Variants in ZNF280C observed in about 807,000 individuals in gnomAD.
ZNF280C encodes suppressor of hairy wing homolog 3.
Under a neutral mutation model 53.6 loss-of-function variants are expected in ZNF280C, and 14 were observed. The ratio of observed to expected loss-of-function variants is 0.26; its 90% CI spans 0.17 to 0.41. The LOEUF is 0.41. Ranked by LOEUF, ZNF280C falls within the 10% of genes least tolerant of loss-of-function variation. The probability of loss-of-function intolerance (pLI) is 1.00; values close to 1 mark genes in which losing one functional copy is unlikely to be tolerated. For synonymous variants in ZNF280C, 203 were observed against 181.1 expected, an observed-to-expected ratio of 1.12 and a Z score of -0.97; for missense variants, 416 against 547.1, an observed-to-expected ratio of 0.76 and a Z score of 2.39.
intron 15 of ZNF280C, 87 bp from the exon 16 acceptor site, chrX:130,209,802 T>A: frequency 1.4e-6 from 1 of 722,915 alleles, no homozygotes; most frequent in Non-Finnish European, 2.1e-6. Context: ...AGCCAATGCT[T>A]AATTTCTTAG....
rs190992976 is a variant in ZNF280C at position 130,233,350 on chromosome X, C to T, written c.772-2623G>A. Among the ~76,000 whole-genome samples, 14 of 111,834 alleles carry T rather than the reference C, an allele frequency of 1.3e-4. No homozygotes were observed. The East Asian group carries it at 3.6e-3, about 29-fold the overall frequency. On this transcript the variant is annotated intron_variant, in intron 8 of 18. Coordinates refer to ENST00000370978, the MANE Select transcript of ZNF280C (RefSeq NM_017666.5). The stretch of plus-strand genomic sequence containing the variant: ...AAAAAAATTTGGCCAGGTGCAGTGG[C>T]TCACGCCTGTAATCCCAGCACTTTG...
At chrX:130,255,297 C>A (rs778961804) in intron 2 of ZNF280C, among the ~76,000 whole-genome samples, 1 of 103,464 alleles carries the variant, frequency 9.7e-6, no homozygotes, top group South Asian at 4.5e-4. Flanking sequence ...CCCGCCACTA[C>A]GCCCGGCTAA....
intron 2 of ZNF280C, among the ~76,000 whole-genome samples, chrX:130,253,483 T>G (rs1165756981): frequency 8.9e-6 from 1 of 112,151 alleles, no homozygotes; most frequent in Admixed American, 9.5e-5. Flanking sequence ...AGAACAAAGA[T>G]GAAGGCATCA....
intron 11 of ZNF280C, among the ~76,000 whole-genome samples, chrX:130,227,229 CTCT>C (rs1303247939): frequency 1.8e-5 from 2 of 111,836 alleles, no homozygotes; most frequent in East Asian, 2.8e-4. Flanking sequence ...ACAGAGTATT[CTCT>C]TCTTTAGATT....
At chrX:130,223,531 T>C (rs774084778) in intron 12 of ZNF280C, among the ~76,000 whole-genome samples, 1 of 112,268 alleles carries the variant, frequency 8.9e-6, no homozygotes, top group East Asian at 2.8e-4. Context: ...TGTTTCCTCA[T>C]CTATAAAATG....
chrX:130,203,504 A>G lies in ZNF280C; in HGVS notation c.*1473T>C, dbSNP rs893732019. Reference sequence around the variant, plus strand: ...ACCCTGTCTCTACTAAAAATACAAAAAATTAAAAATTAGCCGGGCGTGGTG... The same window carrying G: ...ACCCTGTCTCTACTAAAAATACAAAGAATTAAAAATTAGCCGGGCGTGGTG... On this transcript the variant is annotated 3_prime_UTR_variant, in exon 19 of 19. Transcript: ENST00000370978. The G allele has an allele frequency of 2.7e-5, 3 of 109,789 alleles. No individual in the cohort carries two copies. Among genetic ancestry groups the G allele is most frequent in the Middle Eastern group, 4.7e-3 (1 of 215 alleles). 9.0% of individuals were successfully genotyped at this position (109,789 alleles called of 1,213,427 possible).
intron 11 of ZNF280C, 121 bp downstream of exon 11, chrX:130,227,561 T>C (rs935864822): frequency 5.4e-6 from 3 of 559,647 alleles, no homozygotes; most frequent in Non-Finnish European, 3.0e-6. Flanking sequence ...AAGAGGGTCT[T>C]CAATTTTAGC....
chrX:130,202,719 G>T lies in ZNF280C; in HGVS notation c.*2258C>A, dbSNP rs1392593502. ...TATAGTTATATGATAGCTTTTATAT[G>T]AAGTTATTTATTAGAAATTTCCAAG... On this transcript the variant is annotated 3_prime_UTR_variant, in exon 19 of 19. Coordinates refer to ENST00000370978, the MANE Select transcript of ZNF280C (RefSeq NM_017666.5). 1.8e-5 allele frequency: 2 copies of T among 110,805 alleles called. No homozygotes were observed. Among genetic ancestry groups the T allele is most frequent in the African/African-American group, 6.6e-5 (2 of 30,473 alleles). The allele number at this position is 110,805 out of a possible 1,213,427, so 9.1% of individuals were successfully genotyped here.
At chrX:130,243,731 A>G (rs1390267529) in intron 4 of ZNF280C, 32 bp from the exon 5 acceptor site, 4 of 1,177,552 alleles carry the variant, frequency 3.4e-6, no homozygotes, top group South Asian at 3.7e-5. Flanking sequence ...CATATTGAAT[A>G]TATTTCTATA....
At chrX:130,244,495 C>T (rs2032427431) in intron 3 of ZNF280C, among the ~76,000 whole-genome samples, 1 of 111,268 alleles carries the variant, frequency 9.0e-6, no homozygotes, top group Non-Finnish European at 1.9e-5. Flanking sequence ...AACCAGATCC[C>T]GGCCAGGCGG....
At chrX:130,210,459 TCAGA>T (rs1205534964) in intron 15 of ZNF280C, among the ~76,000 whole-genome samples, 2 of 112,442 alleles carry the variant, frequency 1.8e-5, no homozygotes, top group African/African-American at 6.5e-5. Context: ...ATTTTTTGTT[TCAGA>T]CAGTCTTGCT....
chrX:130,220,370 T>C lies in ZNF280C; in HGVS notation c.1506A>G (p.Glu502=). The C allele has an allele frequency of 1.7e-6, 2 of 1,173,919 alleles. No individual in the cohort carries two copies. The highest frequency in any genetic ancestry group is 4.1e-5 in the South Asian group (2 of 48,548). ...HRTFIKPKEL[E]GLPPGAKVTI... The stretch of plus-strand genomic sequence containing the variant: ...TCACTTTTGCTCCAGGAGGCAATCC[T>C]TCTAGTTCTTTAGGCTTTATAAATG... Residue 502 remains glutamate (E), a synonymous_variant, in exon 13 of 19, where the codon GAA becomes GAG. Transcript: ENST00000370978.
chrX:130,251,104 AAATAAT>A (rs201895158), intron 2 of ZNF280C, among the ~76,000 whole-genome samples: 1 of 106,164 alleles, frequency 9.4e-6, no homozygotes, highest in African/African-American at 3.5e-5. Flanking sequence ...CAAAAAAATA[AAATAAT>A]AATAATAATA....
At chrX:130,205,713 T>C (rs746368617) in intron 16 of ZNF280C, among the ~76,000 whole-genome samples, 3 of 109,418 alleles carry the variant, frequency 2.7e-5, no homozygotes, top group Non-Finnish European at 5.7e-5. Context: ...ACCTCGTCTC[T>C]ACTAAAAATA....
chrX:130,268,399 A>G, intron 1 of ZNF280C, among the ~76,000 whole-genome samples: 1 of 111,821 alleles, frequency 8.9e-6, no homozygotes, highest in East Asian at 2.8e-4. Context: ...CAACCGTACA[A>G]AAGACGAAAG....
chrX:130,256,478 GGAGGCA>G (rs1277071522), intron 2 of ZNF280C, among the ~76,000 whole-genome samples: 5 of 111,675 alleles, frequency 4.5e-5, no homozygotes, highest in South Asian at 7.6e-4. Context: ...CAGCTACACG[GGAGGCA>G]GAGGCAGAGG....
chrX:130,243,734 T>C (rs756278822), intron 4 of ZNF280C, 35 bp from the exon 5 acceptor site: 1 of 1,175,822 alleles, frequency 8.5e-7, no homozygotes, highest in Non-Finnish European at 1.1e-6. Context: ...ATTGAATATA[T>C]TTCTATACAA....
chrX:130,237,568 T>C (rs889500753), intron 6 of ZNF280C, among the ~76,000 whole-genome samples: 8 of 111,624 alleles, frequency 7.2e-5, no homozygotes, highest in Non-Finnish European at 1.3e-4. Context: ...AATATACGAT[T>C]GTACTTTGTG....
At chrX:130,218,248 T>C (rs935764793) in intron 13 of ZNF280C, among the ~76,000 whole-genome samples, 7 of 111,411 alleles carry the variant, frequency 6.3e-5, no homozygotes, top group African/African-American at 1.6e-4. Context: ...TCTGAAATAA[T>C]AACTCTGGAA....
Sources: allele counts gnomAD v4.1 joint callset (sites outside exome capture counted in the v4.1 genomes callset), GRCh38; gene constraint gnomAD v4.1.1; transcripts MANE v1.5; gene names NCBI Gene and HGNC (gene_info 2026-07-23, HGNC 2026-07-21).